The following SLC4A8 variants were observed in gnomAD, a reference collection of about 807,000 sequenced individuals.
SLC4A8 encodes electroneutral sodium bicarbonate exchanger 1.
Under a neutral mutation model 125.0 loss-of-function variants are expected in SLC4A8, and 40 were observed. The observed-to-expected ratio is 0.32, with a 90% CI of 0.25 to 0.42. The LOEUF is 0.42. Ranked by LOEUF, SLC4A8 falls within the 10% of genes least tolerant of loss-of-function variation. The pLI, the probability that SLC4A8 is intolerant of heterozygous loss-of-function variation, is 1.00. For synonymous variants in SLC4A8, 456 were observed against 476.0 expected (o/e 0.96, Z 0.55); for missense variants, 863 against 1,355.1 (o/e 0.64, Z 5.70).
intron 3 of SLC4A8, among the ~76,000 whole-genome samples, chr12:51,451,848 T>TA (rs1949985225): frequency 6.6e-6 from 1 of 151,894 alleles, no homozygotes. Context: ...CTATAATAGG[T>TA]AAAACCCCTT....
Position 51,450,991 on chromosome 12 carries a change from G to A in SLC4A8, c.246G>A (p.Gln82=), listed in dbSNP as rs763980383. The A allele has an allele frequency of 1.3e-6, 2 of 1,557,350 alleles. No homozygotes were observed. Among genetic ancestry groups the A allele is most frequent in the Admixed American group, 1.9e-5 (1 of 51,942 alleles). The change falls in exon 3 of 25, where the codon CAG becomes CAA. Residue 82 remains glutamine, a synonymous_variant. Coordinates refer to ENST00000453097, the MANE Select transcript of SLC4A8 (RefSeq NM_001039960.3). The part of the protein sequence containing the change: ...RRRGRGKGAS[Q]GEEGLEALAH... ...GAGGGCGGGGCAAAGGAGCCAGCCAGGGGGAGGAAGGCCTGGAAGCCCTGG... is the reference window on the plus strand; with the variant it reads ...GAGGGCGGGGCAAAGGAGCCAGCCAAGGGGAGGAAGGCCTGGAAGCCCTGG...
chr12:51,494,871 G>C (rs575455908), intron 20 of SLC4A8, 74 bp from the exon 21 acceptor site: 4 of 1,182,084 alleles, frequency 3.4e-6, no homozygotes, highest in Non-Finnish European at 4.9e-6. Flanking sequence ...TAATGTAAGA[G>C]ATATGAATTG....
chr12:51,473,527 C>T (rs1195697259), intron 14 of SLC4A8, among the ~76,000 whole-genome samples: 1 of 152,178 alleles, frequency 6.6e-6, no homozygotes, highest in Non-Finnish European at 1.5e-5. Context: ...TTATTCTAAC[C>T]TGTCGAGAGC....
At chr12:51,469,061 G>A (rs1164801583) in intron 11 of SLC4A8, 3 of 152,768 alleles carry the variant, frequency 2.0e-5, no homozygotes, top group Non-Finnish European at 2.9e-5. Context: ...TGGAGAGCAG[G>A]GCTGTTCATG....
In SLC4A8 at chr12:51,475,190, G is replaced by A. The variant is rs776058582; in HGVS notation, c.2156G>A (p.Arg719His). ...SSTLKTFKTS[R>H]YFPTRVRSMV... ...ACCTTAAAGACGTTTAAGACGAGCC[G>A]TTATTTCCCAACCAGAGTAGGTAGC... Residue 719 changes from arginine (R) to histidine (H), a missense_variant, in exon 16 of 25, where the codon CGT (arginine) becomes CAT (histidine). By Grantham distance (29) the Arg-to-His change is conservative. Around this residue, in one of 6 missense-constraint regions of SLC4A8, gnomAD observed 197 missense variants for 377.7 expected, o/e 0.52. Coordinates refer to ENST00000453097, the MANE Select transcript of SLC4A8 (RefSeq NM_001039960.3). The A allele has an allele frequency of 1.4e-5, 23 of 1,613,884 alleles. No individual in the cohort carries two copies. The highest frequency in any genetic ancestry group is 3.3e-4 in the Middle Eastern group (2 of 6,082).
chr12:51,445,438 G>A (rs1005816296), intron 2 of SLC4A8, among the ~76,000 whole-genome samples: 1 of 152,168 alleles, frequency 6.6e-6, no homozygotes, highest in African/African-American at 2.4e-5. Flanking sequence ...AGAGTGTTGA[G>A]ATAACAGGTG....
At position 51,507,545 on chromosome 12, in the gene SLC4A8, C is replaced by T; in HGVS notation, c.*107C>T. On this transcript the variant is annotated 3_prime_UTR_variant, in exon 25 of 25. Transcript: ENST00000453097. ...GAGAAGAAGCAAGACCAAGTCTGGC[C>T]CTGTCCTTGGTCATCTCAAAGCCAT... 1.3e-6 allele frequency: 1 copy of T among 773,438 alleles called. No homozygotes were observed. Among genetic ancestry groups the T allele is most frequent in the Non-Finnish European group, 1.9e-6 (1 of 525,210 alleles). The allele number at this position is 773,438 out of a possible 1,614,324, so 47.9% of individuals were successfully genotyped here.
intron 12 of SLC4A8, among the ~76,000 whole-genome samples, chr12:51,470,099 T>C (rs1284291892): frequency 6.6e-6 from 1 of 152,188 alleles, no homozygotes; most frequent in Non-Finnish European, 1.5e-5. Context: ...TGTGAGCTTG[T>C]AGTGTGAATG....
At chr12:51,466,081 G>A (rs1950506321) in intron 11 of SLC4A8, among the ~76,000 whole-genome samples, 2 of 152,122 alleles carry the variant, frequency 1.3e-5, no homozygotes, top group African/African-American at 2.4e-5. Context: ...TGAAGGCAGG[G>A]TGAAGTAGAC....
At chr12:51,496,209 CTAAAT>C (rs1450473527) in intron 21 of SLC4A8, among the ~76,000 whole-genome samples, 3 of 152,182 alleles carry the variant, frequency 2.0e-5, no homozygotes, top group African/African-American at 7.2e-5. Flanking sequence ...AAAGTAGTCA[CTAAAT>C]TAGAGAGAAA....
intron 1 of SLC4A8, among the ~76,000 whole-genome samples, chr12:51,406,007 C>A (rs1948479510): frequency 6.6e-6 from 1 of 152,140 alleles, no homozygotes; most frequent in Non-Finnish European, 1.5e-5. Flanking sequence ...TGTCTGGTTC[C>A]CTGGAGATAT....
intron 16 of SLC4A8, among the ~76,000 whole-genome samples, chr12:51,477,282 A>T (rs762129287): frequency 3.9e-5 from 6 of 152,232 alleles, no homozygotes; most frequent in Non-Finnish European, 8.8e-5. Context: ...AATGTGTGTG[A>T]AAGTGTGAGA....
chr12:51,437,162 C>T (rs1038645514), intron 1 of SLC4A8, among the ~76,000 whole-genome samples: 1 of 151,918 alleles, frequency 6.6e-6, no homozygotes, highest in Non-Finnish European at 1.5e-5. Flanking sequence ...TTGTTTATTC[C>T]AGTTGGCCTC....
Position 51,507,722 on chromosome 12 carries a change from A to G in SLC4A8, c.*284A>G, listed in dbSNP as rs2138463845. ...TCTTTTTCTCTTTAGAACGGCCACCATTGAAGACCTAGCTTCCCATTTTCC... is the reference window on the plus strand; with the variant it reads ...TCTTTTTCTCTTTAGAACGGCCACCGTTGAAGACCTAGCTTCCCATTTTCC... On this transcript the variant is annotated 3_prime_UTR_variant, in exon 25 of 25. Transcript: ENST00000453097. 3.2e-6 allele frequency: 1 copy of G among 308,064 alleles called. No homozygotes were observed. Among genetic ancestry groups the G allele is most frequent in the South Asian group, 1.6e-4 (1 of 6,386 alleles). 19.1% of individuals were successfully genotyped at this position (308,064 alleles called of 1,614,324 possible). A position where few individuals can be genotyped will look rare whatever the true frequency, so the allele number is the denominator to read the frequency against.
chr12:51,428,669 C>T (rs754521451), intron 1 of SLC4A8, among the ~76,000 whole-genome samples: 24 of 152,206 alleles, frequency 1.6e-4, no homozygotes, highest in Admixed American at 3.3e-4. Flanking sequence ...TACTATCTTC[C>T]GTGAACCCTG....
chr12:51,445,329 T>C (rs1282311468), intron 2 of SLC4A8, among the ~76,000 whole-genome samples: 1 of 152,040 alleles, frequency 6.6e-6, no homozygotes, highest in Non-Finnish European at 1.5e-5. Context: ...CCACCATGCC[T>C]GGCTAATTTT....
intron 1 of SLC4A8, among the ~76,000 whole-genome samples, chr12:51,392,540 T>C (rs1361918121): frequency 2.3e-5 from 3 of 130,878 alleles, no homozygotes; most frequent in African/African-American, 8.8e-5. Flanking sequence ...GCCACTGCAC[T>C]CCAGCCTGGC....
intron 1 of SLC4A8, among the ~76,000 whole-genome samples, chr12:51,417,611 G>A (rs10876174): frequency 3.3e-5 from 5 of 151,512 alleles, no homozygotes; most frequent in African/African-American, 7.3e-5. Context: ...TCCACCTCCC[G>A]GGTTCAAGCG....
At chr12:51,476,340 G>A (rs1476251695) in intron 16 of SLC4A8, among the ~76,000 whole-genome samples, 1 of 152,228 alleles carries the variant, frequency 6.6e-6, no homozygotes, top group Admixed American at 6.5e-5. Flanking sequence ...AGTTAGTTGG[G>A]CATGGTAGCA....
Sources: allele counts gnomAD v4.1 joint callset (sites outside exome capture counted in the v4.1 genomes callset), GRCh38; gene constraint gnomAD v4.1.1; regional missense constraint gnomAD v4.1.1; transcripts MANE v1.5; gene names NCBI Gene and HGNC (gene_info 2026-07-23, HGNC 2026-07-21).